ABCA10: variants seen among roughly 807,000 people sequenced by gnomAD.
ABCA10 encodes the protein ATP-binding cassette sub-family A member 10.
Under a neutral mutation model 187.5 loss-of-function variants are expected in ABCA10, and 169 were observed. That is an observed-to-expected ratio of 0.90 (90% confidence interval 0.80 to 1.02). The LOEUF (loss-of-function observed/expected upper bound fraction) is 1.02, where lower values mean the gene tolerates loss of function less well. Ranked by LOEUF, ABCA10 falls within the 50% of genes least tolerant of loss-of-function variation. The probability of loss-of-function intolerance (pLI) is 0.00; values close to 1 mark genes in which losing one functional copy is unlikely to be tolerated. For synonymous variants in ABCA10, 574 were observed against 601.8 expected, an observed-to-expected ratio of 0.95 and a Z score of 0.68; for missense variants, 1,727 against 1,812.4, an observed-to-expected ratio of 0.95 and a Z score of 0.86.
intron 11 of ABCA10, among the ~76,000 whole-genome samples, chr17:69,195,714 G>A (rs551329823): frequency 9.9e-5 from 15 of 151,824 alleles, no homozygotes; most frequent in African/African-American, 3.2e-4. Context: ...GCGGTCTTCC[G>A]CAGTGTTTGT....
chr17:69,219,872 A>T (rs1002105449), intron 5 of ABCA10, 101 bp from the exon 6 acceptor site: 3 of 831,138 alleles, frequency 3.6e-6, no homozygotes, highest in Non-Finnish European at 5.4e-6. Flanking sequence ...ACATATTCTC[A>T]TCATTTTAAA....
chr17:69,162,223 T>C (rs1384013969), intron 27 of ABCA10, among the ~76,000 whole-genome samples: 1 of 152,218 alleles, frequency 6.6e-6, no homozygotes, highest in Non-Finnish European at 1.5e-5. Flanking sequence ...TTTTTTTGAA[T>C]AACTGTTTAC....
At chr17:69,187,599 T>C (rs539185586) in intron 19 of ABCA10, 82 bp downstream of exon 19, 1 of 1,373,168 alleles carries the variant, frequency 7.3e-7, no homozygotes, top group South Asian at 1.5e-5. Flanking sequence ...AATGAATGAA[T>C]AAATTAATAT....
In ABCA10 at chr17:69,193,861, C is replaced by T. The variant is rs1269281444; in HGVS notation, c.1474G>A (p.Val492Ile). ...TGAATCCCTTTTATTTTAGCAAATA[C>T]CCTGAGGTTTTCTCTCACAGTGAGG... Reference protein sequence around the residue: ...DFLTVRENLRVFAKIKGIQPK... With the variant: ...DFLTVRENLRIFAKIKGIQPK... Residue 492 changes from valine (V) to isoleucine (I), a missense_variant, in exon 13 of 39, where the codon GTA becomes ATA. Coordinates refer to ENST00000690296, the MANE Select transcript of ABCA10 (RefSeq NM_001377321.1). 6.2e-7 allele frequency: 1 copy of T among 1,613,464 alleles called. No individual in the cohort carries two copies. Among genetic ancestry groups the T allele is most frequent in the African/African-American group, 1.3e-5 (1 of 74,894 alleles).
At position 69,148,761 on chromosome 17, in the gene ABCA10, C is replaced by CATTATTGAATGTTTATTAAATGTT; in HGVS notation, c.*65_*66insAACATTTAATAAACATTCAATAAT. ...GTTAACTGAAGTAAAAGGAAACATT[C>CATTATTGAATGTTTATTAAATGTT]TTGTAGAATTATGGAAACTAACAAT... On this transcript the variant is annotated 3_prime_UTR_variant, in exon 39 of 39. Transcript: ENST00000690296. The CATTATTGAATGTTTATTAAATGTT allele has an allele frequency of 7.8e-7, 1 of 1,279,246 alleles. No individual in the cohort carries two copies. Among genetic ancestry groups the CATTATTGAATGTTTATTAAATGTT allele is most frequent in the Non-Finnish European group, 1.1e-6 (1 of 900,488 alleles). The allele number at this position is 1,279,246 out of a possible 1,614,324, so 79.2% of individuals were successfully genotyped here.
chr17:69,224,574 ACT>A (rs1444665069), intron 3 of ABCA10, among the ~76,000 whole-genome samples: 1 of 151,858 alleles, frequency 6.6e-6, no homozygotes, highest in Non-Finnish European at 1.5e-5. Context: ...AGTAAGTAGG[ACT>A]CTCAGGTGTT....
At chr17:69,166,905 C>G (rs573067287) in intron 25 of ABCA10, among the ~76,000 whole-genome samples, 14 of 152,050 alleles carry the variant, frequency 9.2e-5, no homozygotes, top group African/African-American at 3.4e-4. Flanking sequence ...CAGGATTTAA[C>G]GTAGAAAAGG....
intron 22 of ABCA10, among the ~76,000 whole-genome samples, chr17:69,177,333 T>A (rs1157624417): frequency 6.6e-6 from 1 of 152,198 alleles, no homozygotes; most frequent in African/African-American, 2.4e-5. Flanking sequence ...TCTATGAAAT[T>A]CACATGAGTT....
chr17:69,184,892 C>T (rs373683837), intron 20 of ABCA10, among the ~76,000 whole-genome samples: 52 of 146,078 alleles, frequency 3.6e-4, no homozygotes, highest in African/African-American at 1.2e-3. Context: ...CACACACACA[C>T]ATACATATAT....
chr17:69,150,159 C>A (rs1265083849), intron 36 of ABCA10, 96 bp from the exon 37 acceptor site: 3 of 833,106 alleles, frequency 3.6e-6, no homozygotes, highest in Non-Finnish European at 5.7e-6. Context: ...TCAATGTGTT[C>A]TTTAAATAAG....
At chr17:69,154,372 T>C (rs1202179148) in intron 30 of ABCA10, 46 bp from the exon 31 acceptor site, 3 of 1,380,336 alleles carry the variant, frequency 2.2e-6, no homozygotes, top group Non-Finnish European at 3.0e-6. Flanking sequence ...CAAGGTTGAC[T>C]AATCTAAAAT....
At chr17:69,183,253 T>C (rs976198253) in intron 20 of ABCA10, among the ~76,000 whole-genome samples, 2 of 152,200 alleles carry the variant, frequency 1.3e-5, no homozygotes, top group African/African-American at 4.8e-5. Flanking sequence ...GCCATGATAT[T>C]TAAAGTACTA....
At chr17:69,216,434 G>C (rs1213388208) in intron 6 of ABCA10, 76 bp from the exon 7 acceptor site, 1 of 1,442,494 alleles carries the variant, frequency 6.9e-7, no homozygotes, top group Non-Finnish European at 9.3e-7. Flanking sequence ...AAATGGTTAA[G>C]AGTAAAAGCT....
chr17:69,167,936 C>A (rs1017506582), intron 25 of ABCA10, among the ~76,000 whole-genome samples: 1 of 150,830 alleles, frequency 6.6e-6, no homozygotes, highest in African/African-American at 2.5e-5. Flanking sequence ...TCCCCTTCCA[C>A]CTCTTCCACC....
At chr17:69,242,028 T>A (rs932474385) in intron 1 of ABCA10, among the ~76,000 whole-genome samples, 1 of 152,222 alleles carries the variant, frequency 6.6e-6, no homozygotes, top group Non-Finnish European at 1.5e-5. Context: ...AAGATACAGA[T>A]AAGGCCTTTT....
intron 25 of ABCA10, among the ~76,000 whole-genome samples, chr17:69,170,099 C>T (rs2074286142): frequency 6.6e-6 from 1 of 151,776 alleles, no homozygotes; most frequent in Non-Finnish European, 1.5e-5. Context: ...ACCAGCCTGG[C>T]CAAGATGGTG....
In ABCA10 at chr17:69,155,014, CA is replaced by C; in HGVS notation, c.3694+4del. The C allele has an allele frequency of 6.4e-7, 1 of 1,562,056 alleles. No homozygotes were observed. Among genetic ancestry groups the C allele is most frequent in the Non-Finnish European group, 8.8e-7 (1 of 1,137,180 alleles). On this transcript the variant is annotated splice_donor_region_variant and intron_variant, in intron 30 of 38. Coordinates refer to ENST00000690296, the MANE Select transcript of ABCA10 (RefSeq NM_001377321.1). ...AATAATAATAAAAGGAACAATTGTT[CA>C]AACCTTTTTTAACACAAAAGGAAAC...
rs770204983 is a variant in ABCA10, at chr17:69,187,847, C to G, written c.2164G>C (p.Val722Leu). 1 of 1,613,790 alleles carries G rather than the reference C, an allele frequency of 6.2e-7. No homozygotes were observed. The highest frequency in any genetic ancestry group is 1.1e-5 in the South Asian group (1 of 91,056). The change falls in exon 19 of 39, where the codon GTG becomes CTG. Residue 722 changes from valine to leucine, a missense_variant. Val to Leu is a conservative substitution (Grantham distance 32, BLOSUM62 1). Transcript: ENST00000690296. ...FDIGKQEKIH[V>L]TRNTGDESEM... is the part of the protein sequence containing the mutation. ...GACTCATCTCCAGTATTTCTTGTCA[C>G]ATGTATTTTCTCTTGTTTCCCAATG...
intron 11 of ABCA10, among the ~76,000 whole-genome samples, chr17:69,195,437 ATATTT>A (rs1289783735): frequency 1.3e-5 from 2 of 151,520 alleles, no homozygotes; most frequent in Non-Finnish European, 2.9e-5. Context: ...TGGCAGAAAC[ATATTT>A]TAATTTTTTT....
Sources: allele counts gnomAD v4.1 joint callset (sites outside exome capture counted in the v4.1 genomes callset), GRCh38; gene constraint gnomAD v4.1.1; transcripts MANE v1.5; gene names NCBI Gene and HGNC (gene_info 2026-07-23, HGNC 2026-07-21).